The following TMEM63C variants were observed in gnomAD, a reference collection of about 807,000 sequenced individuals.
TMEM63C encodes the protein osmosensitive cation channel TMEM63C.
In TMEM63C, 32 loss-of-function variants were observed where a neutral mutation model predicts 99.2. The observed-to-expected ratio is 0.32, with a 90% confidence interval of 0.24 to 0.43. The LOEUF (loss-of-function observed/expected upper bound fraction) is 0.43, where lower values mean the gene tolerates loss of function less well. TMEM63C is among the 20% of genes least tolerant of loss of function. The probability of loss-of-function intolerance (pLI) is 1.00; values close to 1 mark genes in which losing one functional copy is unlikely to be tolerated. For synonymous variants in TMEM63C, 376 were observed against 397.9 expected (o/e 0.94, Z 0.66); for missense variants, 826 against 1,053.0 (o/e 0.78, Z 2.98).
chr14:77,231,574 T>C lies in TMEM63C; in HGVS notation c.351-14T>C, dbSNP rs1318833240. The C allele has an allele frequency of 6.4e-7, 1 of 1,551,446 alleles. No homozygotes were observed. The highest frequency in any genetic ancestry group is 2.0e-5 in the Admixed American group (1 of 50,988). ...GGCTCCTGAGGCACGTCCTTGTCTG[T>C]GTGTCTCTTCCAGGGACGAGGATCT... On this transcript the variant is annotated splice_polypyrimidine_tract_variant and intron_variant, in intron 6 of 23. Transcript: ENST00000298351.
chr14:77,253,512 C>A, intron 23 of TMEM63C, 136 bp downstream of exon 23: 1 of 809,184 alleles, frequency 1.2e-6, no homozygotes, highest in Non-Finnish European at 2.0e-6. Flanking sequence ...CCTGGGCTCC[C>A]TCCTCTAATG....
chr14:77,230,531 G>A (rs540803459), intron 6 of TMEM63C, among the ~76,000 whole-genome samples: 15 of 152,266 alleles, frequency 9.9e-5, no homozygotes, highest in African/African-American at 3.1e-4. Flanking sequence ...ACCTGGCCCC[G>A]CAGCAGGAGG....
intron 6 of TMEM63C, among the ~76,000 whole-genome samples, chr14:77,226,860 T>C (rs556979583): frequency 6.6e-6 from 1 of 151,322 alleles, no homozygotes; most frequent in East Asian, 1.9e-4. Context: ...CTCCGCCTCC[T>C]GGGTTCAAGC....
rs749708707 is a variant in TMEM63C, at chr14:77,225,473, G to A, written c.350+12G>A. Reference sequence around the variant, plus strand: ...AGCATAACAATGAAGTAAGTGCCCGGGCTCTGTGAGCTTGTGACCGTGTTG... The same window carrying A: ...AGCATAACAATGAAGTAAGTGCCCGAGCTCTGTGAGCTTGTGACCGTGTTG... On this transcript the variant is annotated intron_variant, in intron 6 of 23. Coordinates refer to ENST00000298351, the MANE Select transcript of TMEM63C (RefSeq NM_020431.4). 2 of 1,612,806 alleles carry A rather than the reference G, an allele frequency of 1.2e-6. No individual in the cohort carries two copies. The highest frequency in any genetic ancestry group is 2.2e-5 in the South Asian group (2 of 90,966).
rs1251957921 is a variant in TMEM63C, at chr14:77,220,536, C to T, written c.312+449C>T. On this transcript the variant is annotated intron_variant, in intron 5 of 23. Transcript: ENST00000298351. Reference sequence around the variant, plus strand: ...TTAGTGGAGCGCAGTCTGCTGTTTCCTCCTCTTCCCTGGTGAAGGCCAGCC... The same window carrying T: ...TTAGTGGAGCGCAGTCTGCTGTTTCTTCCTCTTCCCTGGTGAAGGCCAGCC... Among the ~76,000 whole-genome samples, 5 of 152,086 alleles carry T rather than the reference C, an allele frequency of 3.3e-5. No homozygotes were observed. The East Asian group carries it at 9.7e-4, about 29-fold the overall frequency.
intron 20 of TMEM63C, 47 bp downstream of exon 20, chr14:77,248,919 G>T: frequency 6.6e-7 from 1 of 1,507,566 alleles, no homozygotes; most frequent in South Asian, 1.1e-5. Context: ...TCCGCAGATG[G>T]GGAGGAGGAA....
intron 1 of TMEM63C, among the ~76,000 whole-genome samples, chr14:77,199,221 G>T (rs1888257560): frequency 6.6e-6 from 1 of 152,190 alleles, no homozygotes; most frequent in African/African-American, 2.4e-5. Context: ...ATTCCTGAGA[G>T]GCCCGGGGGC....
intron 8 of TMEM63C, among the ~76,000 whole-genome samples, chr14:77,235,208 G>A (rs1889016132): frequency 6.6e-6 from 1 of 151,666 alleles, no homozygotes; most frequent in Admixed American, 6.6e-5. Flanking sequence ...CCCCTTCCAA[G>A]GCACCTGAGT....
intron 6 of TMEM63C, among the ~76,000 whole-genome samples, chr14:77,228,657 C>T (rs1208744005): frequency 2.6e-5 from 4 of 152,004 alleles, no homozygotes; most frequent in South Asian, 2.1e-4. Flanking sequence ...CTGCCTCAGC[C>T]TCCCAAGTAG....
chr14:77,219,000 C>A, intron 3 of TMEM63C, 37 bp downstream of exon 3: 1 of 1,493,564 alleles, frequency 6.7e-7, no homozygotes, highest in South Asian at 1.3e-5. Context: ...GACAGTAAAG[C>A]CTCAGACAGG....
At chr14:77,242,760 G>C (rs564052878) in intron 14 of TMEM63C, 143 bp from the exon 15 acceptor site, 1 of 987,456 alleles carries the variant, frequency 1.0e-6, no homozygotes, top group Non-Finnish European at 1.5e-6. Flanking sequence ...GGACGGTCCA[G>C]GGTCCTGTTG....
intron 1 of TMEM63C, among the ~76,000 whole-genome samples, chr14:77,191,715 T>G (rs1888114135): frequency 6.6e-6 from 1 of 151,664 alleles, no homozygotes; most frequent in South Asian, 2.1e-4. Context: ...TGGCTAATTT[T>G]GCATTTTTAG....
At chr14:77,184,215 C>T (rs547290360) in intron 1 of TMEM63C, among the ~76,000 whole-genome samples, 51 of 152,220 alleles carry the variant, frequency 3.4e-4, no homozygotes, top group Non-Finnish European at 4.4e-4. Context: ...TCTCCCTCTG[C>T]GGCCAGCCTA....
chr14:77,253,628 A>G (rs189689383), intron 23 of TMEM63C, among the ~76,000 whole-genome samples: 16 of 152,284 alleles, frequency 1.1e-4, no homozygotes, highest in Non-Finnish European at 2.1e-4. Context: ...GCACCTAGAG[A>G]GGAAGTACTT....
intron 18 of TMEM63C, 151 bp from the exon 19 acceptor site, chr14:77,248,196 G>C (rs1889295829): frequency 5.7e-6 from 4 of 700,802 alleles, no homozygotes; most frequent in Non-Finnish European, 4.7e-6. Context: ...CAGAGAAAAA[G>C]AAAGAGAGGA....
intron 2 of TMEM63C, among the ~76,000 whole-genome samples, chr14:77,218,085 T>C (rs767348521): frequency 6.6e-6 from 1 of 152,156 alleles, no homozygotes; most frequent in Non-Finnish European, 1.5e-5. Flanking sequence ...AAGAGTATAA[T>C]TGGATTGTTT....
At chr14:77,247,637 C>T (rs531812770) in intron 18 of TMEM63C, among the ~76,000 whole-genome samples, 56 of 152,332 alleles carry the variant, frequency 3.7e-4, no homozygotes, top group African/African-American at 1.1e-3. Flanking sequence ...ATGCAGACCA[C>T]GTGGGACATT....
intron 15 of TMEM63C, 97 bp from the exon 16 acceptor site, chr14:77,244,252 C>A: frequency 1.0e-6 from 1 of 957,444 alleles, no homozygotes; most frequent in Non-Finnish European, 1.6e-6. Context: ...TCCAGGAGAG[C>A]AAGCCAGCCC....
rs187755818 is a variant in TMEM63C at position 77,245,855 on chromosome 14, T to C, written c.1449-85T>C. On this transcript the variant is annotated intron_variant, in intron 16 of 23. Coordinates refer to ENST00000298351, the MANE Select transcript of TMEM63C (RefSeq NM_020431.4). ...GACACAGAGCCAAACCATATCAGTG[T>C]CTCTCTTCCTCTCTATTACATAGTT... The C allele has an allele frequency of 6.2e-5, 61 of 976,670 alleles. No individual in the cohort carries two copies. In the East Asian group the frequency reaches 1.2e-3, roughly 18 times the overall value. 60.5% of individuals were successfully genotyped at this position (976,670 alleles called of 1,614,324 possible).
Sources: gnomAD v4.1 joint callset for allele counts (sites outside exome capture counted in the v4.1 genomes callset) on GRCh38, gnomAD v4.1.1 for gene constraint, MANE v1.5 for transcripts, NCBI Gene and HGNC (gene_info 2026-07-23, HGNC 2026-07-21) for gene names.